RBFOX1: variants seen among roughly 807,000 people sequenced by gnomAD.
The protein encoded by RBFOX1 is RNA binding protein fox-1 homolog 1.
RBFOX1 carries 8 observed loss-of-function variants against 57.7 expected under a neutral mutation model. That is an observed-to-expected ratio of 0.14 (90% CI 0.08 to 0.25). The LOEUF (loss-of-function observed/expected upper bound fraction) is 0.25, where lower values mean the gene tolerates loss of function less well. Ranked by LOEUF, RBFOX1 falls within the 10% of genes least tolerant of loss-of-function variation. RBFOX1 has a pLI of 1.00. For synonymous variants in RBFOX1, 326 were observed against 222.4 expected (o/e 1.47, Z -4.15); for missense variants, 611 against 548.5 (o/e 1.11, Z -1.14).
intron 1 of RBFOX1, among the ~76,000 whole-genome samples, chr16:6,045,031 G>A (rs543749223): frequency 6.6e-6 from 1 of 152,320 alleles, no homozygotes; most frequent in Non-Finnish European, 1.5e-5. Flanking sequence ...TGTGGCCCTA[G>A]GGACTCTGAT....
intron 2 of RBFOX1, among the ~76,000 whole-genome samples, chr16:6,486,664 T>TG (rs2095490079): frequency 6.6e-6 from 1 of 151,940 alleles, no homozygotes; most frequent in Non-Finnish European, 1.5e-5. Flanking sequence ...TTATTATTTT[T>TG]TTTTTTGGCA....
At chr16:7,209,576 C>G (rs1304792148) in intron 4 of RBFOX1, among the ~76,000 whole-genome samples, 1 of 152,164 alleles carries the variant, frequency 6.6e-6, no homozygotes, top group African/African-American at 2.4e-5. Flanking sequence ...AGAGGCCAAC[C>G]CTCACCTTCT....
chr16:6,196,765 C>T (rs1241709042), intron 1 of RBFOX1, among the ~76,000 whole-genome samples: 2 of 151,856 alleles, frequency 1.3e-5, no homozygotes, highest in African/African-American at 4.8e-5. Flanking sequence ...GCTATGCAAT[C>T]CTTATATATC....
At chr16:5,418,279 G>A (rs2067213924) in intron 1 of RBFOX1, among the ~76,000 whole-genome samples, 1 of 151,994 alleles carries the variant, frequency 6.6e-6, no homozygotes, top group Non-Finnish European at 1.5e-5. Context: ...ATAATGGCAA[G>A]GCAGCTGGGG....
chr16:7,116,002 C>A (rs1470996777), intron 4 of RBFOX1, among the ~76,000 whole-genome samples: 1 of 152,104 alleles, frequency 6.6e-6, no homozygotes, highest in Non-Finnish European at 1.5e-5. Flanking sequence ...ATGGAGTAAC[C>A]ATTGTGCCAG....
intron 1 of RBFOX1, among the ~76,000 whole-genome samples, chr16:5,283,076 A>G (rs2063310404): frequency 1.3e-5 from 2 of 152,196 alleles, no homozygotes; most frequent in Admixed American, 6.5e-5. Context: ...GCCAAGATAC[A>G]ACGTAGGCTG....
chr16:5,588,634 G>C (rs7186217), intron 2 of RBFOX1, among the ~76,000 whole-genome samples: 5,843 of 152,246 alleles, frequency 0.038, 133 homozygotes, highest in African/African-American at 0.05. Context: ...GTCCCCATGT[G>C]AGCAATGGAC....
intron 4 of RBFOX1, among the ~76,000 whole-genome samples, chr16:7,213,230 G>A (rs1319094513): frequency 1.3e-5 from 2 of 152,118 alleles, no homozygotes; most frequent in East Asian, 1.9e-4. Context: ...AAAACAATGA[G>A]GCATCAGTTT....
At chr16:5,360,741 A>G (rs934161858) in intron 1 of RBFOX1, among the ~76,000 whole-genome samples, 1 of 152,230 alleles carries the variant, frequency 6.6e-6, no homozygotes, top group Non-Finnish European at 1.5e-5. Context: ...CGACAGCTGC[A>G]GAAATGTCAA....
At chr16:7,060,728 G>A (rs752595500) in intron 4 of RBFOX1, among the ~76,000 whole-genome samples, 14 of 152,082 alleles carry the variant, frequency 9.2e-5, no homozygotes, top group Non-Finnish European at 1.6e-4. Context: ...ACATTTCCAC[G>A]TATACATCCT....
At chr16:6,196,467 A>C (rs887298371) in intron 1 of RBFOX1, among the ~76,000 whole-genome samples, 3 of 152,192 alleles carry the variant, frequency 2.0e-5, no homozygotes, top group African/African-American at 7.2e-5. Context: ...TACAGTAGAC[A>C]ATAAATCTGG....
At chr16:7,207,152 AGGTG>A (rs1217390374) in intron 4 of RBFOX1, among the ~76,000 whole-genome samples, 1 of 152,172 alleles carries the variant, frequency 6.6e-6, no homozygotes, top group Non-Finnish European at 1.5e-5. Context: ...GATCAGCAAG[AGGTG>A]TACGCTGTAT....
intron 3 of RBFOX1, among the ~76,000 whole-genome samples, chr16:6,665,366 C>A (rs1009244701): frequency 6.6e-6 from 1 of 152,154 alleles, no homozygotes; most frequent in Admixed American, 6.5e-5. Context: ...ATAATGCCAG[C>A]CCTTTGGGAG....
chr16:7,575,962 C>G (rs994403098), intron 5 of RBFOX1, among the ~76,000 whole-genome samples: 2 of 152,140 alleles, frequency 1.3e-5, no homozygotes, highest in Admixed American at 6.5e-5. Context: ...GAGGCAGAGT[C>G]TTGCTCCATT....
chr16:6,420,243 C>A (rs939689243), intron 2 of RBFOX1, among the ~76,000 whole-genome samples: 1 of 152,112 alleles, frequency 6.6e-6, no homozygotes, highest in Non-Finnish European at 1.5e-5. Context: ...ATTATAGATG[C>A]AGTAATTTCT....
chr16:7,522,678 A>C (rs763424224), intron 5 of RBFOX1, among the ~76,000 whole-genome samples: 13 of 152,312 alleles, frequency 8.5e-5, no homozygotes, highest in Non-Finnish European at 1.9e-4. Context: ...TATGCCAACA[A>C]GGTCCCTACG....
At chr16:7,638,560 G>A (rs919534608) in intron 11 of RBFOX1, among the ~76,000 whole-genome samples, 1 of 152,166 alleles carries the variant, frequency 6.6e-6, no homozygotes, top group Non-Finnish European at 1.5e-5. Flanking sequence ...ATCATGTTTG[G>A]AGAGGCAGTT....
At chr16:7,343,268 T>G (rs541984300) in intron 4 of RBFOX1, among the ~76,000 whole-genome samples, 22 of 152,268 alleles carry the variant, frequency 1.4e-4, no homozygotes, top group African/African-American at 4.1e-4. Flanking sequence ...GGGGGGAAAT[T>G]GTAGCTCTGA....
chr16:6,042,991 C>T (rs1310038524), intron 1 of RBFOX1, among the ~76,000 whole-genome samples: 1 of 151,620 alleles, frequency 6.6e-6, no homozygotes, highest in Non-Finnish European at 1.5e-5. Flanking sequence ...GTGGCATGCA[C>T]CTGTAGTCCC....
Sources: allele counts gnomAD v4.1 joint callset (sites outside exome capture counted in the v4.1 genomes callset), GRCh38; gene constraint gnomAD v4.1.1; transcripts MANE v1.5; gene names NCBI Gene and HGNC (gene_info 2026-07-23, HGNC 2026-07-21).